KLHL2: variants seen among roughly 807,000 people sequenced by gnomAD.
The protein encoded by KLHL2 is kelch-like protein 2.
KLHL2 carries 15 observed loss-of-function variants against 75.8 expected under a neutral mutation model. That is an observed-to-expected ratio of 0.20 (90% CI 0.13 to 0.30). KLHL2 has a LOEUF of 0.30. Among genes scored for constraint, KLHL2 ranks in the 10% least tolerant of loss-of-function variants. The probability of loss-of-function intolerance (pLI) is 1.00; values close to 1 mark genes in which losing one functional copy is unlikely to be tolerated. For synonymous variants in KLHL2, 214 were observed against 251.9 expected, an observed-to-expected ratio of 0.85 and a Z score of 1.42; for missense variants, 381 against 741.0, an observed-to-expected ratio of 0.51 and a Z score of 5.64.
At chr4:165,236,725 G>A (rs938805838) in intron 3 of KLHL2, among the ~76,000 whole-genome samples, 3 of 152,048 alleles carry the variant, frequency 2.0e-5, no homozygotes, top group Non-Finnish European at 4.4e-5. Flanking sequence ...ACAGTCATGG[G>A]CACATTTTTT....
chr4:165,311,049 G>A (rs1487638198), intron 10 of KLHL2, among the ~76,000 whole-genome samples: 1 of 151,916 alleles, frequency 6.6e-6, no homozygotes, highest in Non-Finnish European at 1.5e-5. Flanking sequence ...AGTAGAGACG[G>A]GGTTTCACCA....
rs1441915539 is a variant in KLHL2 at position 165,315,608 on chromosome 4, A to G, written c.1609+1442A>G. Among the ~76,000 whole-genome samples the G allele has an allele frequency of 2.0e-5, 3 of 152,216 alleles. No homozygotes were observed. In the South Asian group the frequency reaches 6.2e-4, roughly 31 times the overall value. ...TACAAGATACAGTATAATCCAATTG[A>G]GCATATATTTTAAAATTATTTAAGT... On this transcript the variant is annotated intron_variant, in intron 13 of 14. Transcript: ENST00000226725.
At chr4:165,286,575 AT>A (rs1278048581) in intron 5 of KLHL2, among the ~76,000 whole-genome samples, 1 of 152,192 alleles carries the variant, frequency 6.6e-6, no homozygotes, top group Non-Finnish European at 1.5e-5. Context: ...AGAGAAGGCC[AT>A]TAAGCTTAAA....
intron 8 of KLHL2, among the ~76,000 whole-genome samples, chr4:165,300,791 A>G (rs984236201): frequency 8.5e-5 from 13 of 152,238 alleles, no homozygotes; most frequent in Non-Finnish European, 1.6e-4. Flanking sequence ...GGATTAAGAA[A>G]TAAGAATCTG....
intron 1 of KLHL2, among the ~76,000 whole-genome samples, chr4:165,215,111 G>T (rs553000621): frequency 6.6e-6 from 1 of 152,300 alleles, no homozygotes; most frequent in South Asian, 2.1e-4. Flanking sequence ...CCTAATAAAA[G>T]TTTAAATTCC....
chr4:165,295,636 A>G (rs1289546027), intron 6 of KLHL2, among the ~76,000 whole-genome samples: 1 of 152,208 alleles, frequency 6.6e-6, no homozygotes, highest in African/African-American at 2.4e-5. Flanking sequence ...TGGTAGTTCA[A>G]CTTGGTTCAG....
intron 2 of KLHL2, chr4:165,223,849 T>C (rs1738204096): frequency 3.3e-6 from 1 of 298,662 alleles, no homozygotes; most frequent in South Asian, 2.5e-5. Context: ...AGAATGCTTA[T>C]AATGTGCAAC....
In KLHL2 at chr4:165,207,612, G is replaced by C. The variant is rs1489649805; in HGVS notation, c.-265G>C. On this transcript the variant is annotated 5_prime_UTR_variant, in exon 1 of 15. Coordinates refer to ENST00000226725, the MANE Select transcript of KLHL2 (RefSeq NM_007246.4). This position sits in a 1 kb window ranked among gnomAD's most constrained non-coding sequence, Gnocchi z 4.2. ...CGGGGCCGAACCCGGAAGTGGCCGA[G>C]CCCGCGCGCCCGCCGGTCCCGTCGC... 6.7e-6 allele frequency: 1 copy of C among 149,198 alleles called. No individual in the cohort carries two copies. The highest frequency in any genetic ancestry group is 6.7e-5 in the Admixed American group (1 of 14,920). The allele number at this position is 149,198 out of a possible 1,614,324, so 9.2% of individuals were successfully genotyped here.
chr4:165,249,271 G>T (rs1466512499), intron 4 of KLHL2, among the ~76,000 whole-genome samples: 1 of 152,182 alleles, frequency 6.6e-6, no homozygotes, highest in Non-Finnish European at 1.5e-5. Flanking sequence ...TTGGGAAATA[G>T]CTCAGAGTAG....
chr4:165,275,244 G>A (rs1742994006), intron 5 of KLHL2, among the ~76,000 whole-genome samples: 1 of 151,950 alleles, frequency 6.6e-6, no homozygotes, highest in Non-Finnish European at 1.5e-5. Context: ...GTGCTGGTTT[G>A]TGGACTCTTC....
chr4:165,287,779 A>T (rs762352029), intron 5 of KLHL2, among the ~76,000 whole-genome samples: 1 of 152,138 alleles, frequency 6.6e-6, no homozygotes, highest in Non-Finnish European at 1.5e-5. Context: ...TCTATCATCT[A>T]TTCATACGCT....
intron 5 of KLHL2, among the ~76,000 whole-genome samples, chr4:165,276,336 G>T (rs113105320): frequency 0.22 from 32,963 of 151,952 alleles, 4,063 homozygotes; most frequent in Non-Finnish European, 0.29. Context: ...TTTTATATGC[G>T]CAAGTATTTT....
chr4:165,218,150 C>A (rs1381053753), intron 1 of KLHL2, among the ~76,000 whole-genome samples: 2 of 152,130 alleles, frequency 1.3e-5, no homozygotes, highest in Non-Finnish European at 2.9e-5. Flanking sequence ...TAAATAGTTG[C>A]CCCCTTTTCA....
chr4:165,224,328 C>T (rs1424150474), intron 2 of KLHL2, among the ~76,000 whole-genome samples: 1 of 151,860 alleles, frequency 6.6e-6, no homozygotes, highest in Non-Finnish European at 1.5e-5. Flanking sequence ...AACCTATTAG[C>T]TTTATTTACA....
At position 165,310,555 on chromosome 4, in the gene KLHL2, A is replaced by G; in HGVS notation, c.1042A>G (p.Met348Val). ...TAAATGCTGTACTCCTTTTGCAGGC[A>G]TGGTCTACATGGCTGGACTTGTTTT... ...ELPSRRCRAG[M>V]VYMAGLVFAV... is the part of the protein sequence containing the mutation. The change falls in exon 10 of 15, where the codon ATG becomes GTG. Residue 348 changes from methionine (M) to valine (V), a missense_variant and splice_region_variant. Coordinates refer to ENST00000226725, the MANE Select transcript of KLHL2 (RefSeq NM_007246.4). 1.2e-6 allele frequency: 2 copies of G among 1,613,762 alleles called. No homozygotes were observed. The highest frequency in any genetic ancestry group is 1.7e-6 in the Non-Finnish European group (2 of 1,179,662).
At chr4:165,244,946 G>A (rs1056677956) in intron 4 of KLHL2, among the ~76,000 whole-genome samples, 1 of 152,100 alleles carries the variant, frequency 6.6e-6, no homozygotes, top group Non-Finnish European at 1.5e-5. Context: ...GCTCATGCCT[G>A]TAATCCCAGC....
intron 1 of KLHL2, 142 bp from the exon 2 acceptor site, chr4:165,219,792 A>G (rs1392156152): frequency 7.4e-7 from 1 of 1,357,932 alleles, no homozygotes. Flanking sequence ...TTAACCTTAC[A>G]TTGGGATATT....
At chr4:165,260,799 A>C (rs973220695) in intron 4 of KLHL2, among the ~76,000 whole-genome samples, 1 of 152,188 alleles carries the variant, frequency 6.6e-6, no homozygotes. Context: ...TATCTTGTGC[A>C]TGTGAGATTT....
intron 5 of KLHL2, among the ~76,000 whole-genome samples, chr4:165,280,039 G>A (rs1560799925): frequency 6.6e-6 from 1 of 152,108 alleles, no homozygotes; most frequent in South Asian, 2.1e-4. Flanking sequence ...TTAGAACTCT[G>A]GGGTCCCTAC....
Sources: gnomAD v4.1 joint callset for allele counts (sites outside exome capture counted in the v4.1 genomes callset) on GRCh38, gnomAD v4.1.1 for gene constraint, Gnocchi (gnomAD v3.1) non-coding constraint, MANE v1.5 for transcripts, NCBI Gene and HGNC (gene_info 2026-07-23, HGNC 2026-07-21) for gene names.